Variants in SFMBT1 observed in about 807,000 individuals in gnomAD.
SFMBT1 encodes Scm like with four mbt domains 1.
A neutral mutation model predicts 108.7 loss-of-function variants in SFMBT1; 32 were observed. The observed-to-expected ratio is 0.29, with a 90% confidence interval of 0.22 to 0.40. SFMBT1 has a LOEUF of 0.40. SFMBT1 is among the 10% of genes least tolerant of loss of function. The probability of loss-of-function intolerance (pLI) is 1.00; values close to 1 mark genes in which losing one functional copy is unlikely to be tolerated. For missense variants in SFMBT1, 816 were observed against 1,059.6 expected, an observed-to-expected ratio of 0.77 and a Z score of 3.19; for synonymous variants, 348 against 369.5, an observed-to-expected ratio of 0.94 and a Z score of 0.67.
chr3:52,959,926 T>C (rs1174318354), intron 2 of SFMBT1, among the ~76,000 whole-genome samples: 1 of 152,008 alleles, frequency 6.6e-6, no homozygotes, highest in East Asian at 1.9e-4. Flanking sequence ...AGACTCTCAA[T>C]AAACTGCTGA....
chr3:52,948,024 C>A (rs1047828463), intron 3 of SFMBT1, among the ~76,000 whole-genome samples: 7 of 152,194 alleles, frequency 4.6e-5, no homozygotes, highest in African/African-American at 1.4e-4. Flanking sequence ...CGTGAGACAC[C>A]GCACCCAGCT....
At chr3:52,924,081 C>T (rs867664616) in intron 10 of SFMBT1, among the ~76,000 whole-genome samples, 1 of 152,054 alleles carries the variant, frequency 6.6e-6, no homozygotes, top group African/African-American at 2.4e-5. Context: ...CAATGTTTTC[C>T]GAATTCTCAA....
intron 1 of SFMBT1, among the ~76,000 whole-genome samples, chr3:53,002,395 T>C (rs1261585615): frequency 6.2e-5 from 6 of 97,208 alleles, no homozygotes; most frequent in African/African-American, 1.5e-4. Flanking sequence ...CGAGACTCCG[T>C]CTCAATAAAA....
Position 52,928,211 on chromosome 3 carries a change from A to G in SFMBT1, c.1028T>C (p.Leu343Pro), listed in dbSNP as rs1203052493. 6.2e-7 allele frequency: 1 copy of G among 1,613,228 alleles called. No homozygotes were observed. Among genetic ancestry groups the G allele is most frequent in the East Asian group, 2.2e-5 (1 of 44,784 alleles). The change falls in exon 9 of 21, where the codon CTA (leucine) becomes CCA (proline). Residue 343 changes from leucine to proline, a missense_variant. Physicochemically the swap from Leu to Pro is moderately conservative, Grantham distance 98. Around this residue, in one of 5 missense-constraint regions of SFMBT1, gnomAD observed 495 missense variants for 607.4 expected, o/e 0.81. Transcript: ENST00000394752. Reference protein sequence around the residue: ...FPVQWSLKNGLHISPPPGYPS... With the variant: ...FPVQWSLKNGPHISPPPGYPS... The stretch of plus-strand genomic sequence containing the variant: ...TGCACCTGGAGGGGGGCTGATGTGT[A>G]GGCCATTCTTCAGACTCCACTGCAC...
intron 1 of SFMBT1, among the ~76,000 whole-genome samples, chr3:53,029,348 C>T (rs1699606064): frequency 6.6e-6 from 1 of 152,030 alleles, no homozygotes; most frequent in African/African-American, 2.4e-5. Flanking sequence ...TTCTGAAGTT[C>T]TTTTAATGAA....
chr3:52,944,998 T>C (rs1484474366), intron 3 of SFMBT1, among the ~76,000 whole-genome samples: 3 of 151,466 alleles, frequency 2.0e-5, no homozygotes, highest in Admixed American at 6.6e-5. Flanking sequence ...GAGACGGGGT[T>C]TTGCCATGTT....
intron 1 of SFMBT1, among the ~76,000 whole-genome samples, chr3:53,027,715 T>A (rs1040006911): frequency 3.9e-5 from 6 of 152,298 alleles, no homozygotes; most frequent in Admixed American, 6.5e-5. Flanking sequence ...GATGGAAGAA[T>A]GAGAAAGGTC....
intron 3 of SFMBT1, among the ~76,000 whole-genome samples, chr3:52,944,269 A>C (rs1703284417): frequency 1.3e-5 from 2 of 152,228 alleles, no homozygotes; most frequent in African/African-American, 4.8e-5. Context: ...AAATAAGCAA[A>C]GGGAAGCCTG....
At chr3:53,008,068 G>T (rs549070402) in intron 1 of SFMBT1, among the ~76,000 whole-genome samples, 3 of 95,638 alleles carry the variant, frequency 3.1e-5, no homozygotes, top group African/African-American at 1.1e-4. Flanking sequence ...CCCCACCCCC[G>T]CAAAAAAAAA....
intron 19 of SFMBT1, among the ~76,000 whole-genome samples, chr3:52,906,631 G>C (rs1702071440): frequency 6.6e-6 from 1 of 152,120 alleles, no homozygotes; most frequent in Admixed American, 6.5e-5. Context: ...ACACTAAATT[G>C]TTCTTTAGTG....
chr3:53,018,610 C>T (rs189714906), intron 1 of SFMBT1, among the ~76,000 whole-genome samples: 11 of 152,262 alleles, frequency 7.2e-5, no homozygotes, highest in Admixed American at 2.6e-4. Context: ...CACAGCAAGC[C>T]GTCTCATCTC....
intron 3 of SFMBT1, among the ~76,000 whole-genome samples, 167 bp from the exon 4 acceptor site, chr3:52,943,760 C>G (rs1304151420): frequency 6.6e-6 from 1 of 152,170 alleles, no homozygotes; most frequent in Non-Finnish European, 1.5e-5. Context: ...CCAGATAAAA[C>G]AAACGAATAG....
chr3:52,973,048 T>A (rs571544290), intron 1 of SFMBT1, among the ~76,000 whole-genome samples: 3 of 151,958 alleles, frequency 2.0e-5, no homozygotes, highest in South Asian at 2.1e-4. Flanking sequence ...AAAGAGTTAT[T>A]CATTTAAATA....
chr3:52,981,668 T>G (rs1010684548), intron 1 of SFMBT1, among the ~76,000 whole-genome samples: 5 of 152,010 alleles, frequency 3.3e-5, no homozygotes, highest in East Asian at 1.9e-4. Flanking sequence ...AATGAGCCAC[T>G]GCACCCAACC....
intron 1 of SFMBT1, among the ~76,000 whole-genome samples, chr3:52,985,090 T>C (rs551858028): frequency 6.6e-6 from 1 of 152,334 alleles, no homozygotes; most frequent in Non-Finnish European, 1.5e-5. Context: ...ATCAATTAAA[T>C]GCTTTATTTA....
chr3:53,044,320 A>T (rs535434666), intron 1 of SFMBT1, among the ~76,000 whole-genome samples: 1 of 152,314 alleles, frequency 6.6e-6, no homozygotes, highest in Admixed American at 6.5e-5. Context: ...TGTTTATCTT[A>T]ATGTTGCAAA....
intron 7 of SFMBT1, 34 bp from the exon 8 acceptor site, chr3:52,930,464 T>C (rs749491253): frequency 7.7e-6 from 9 of 1,176,280 alleles, no homozygotes; most frequent in Non-Finnish European, 1.2e-5. Context: ...GATGAAAACA[T>C]AGTATCTGTA....
At chr3:52,958,719 A>T (rs570387078) in intron 2 of SFMBT1, among the ~76,000 whole-genome samples, 28 of 152,344 alleles carry the variant, frequency 1.8e-4, no homozygotes, top group African/African-American at 6.7e-4. Context: ...ACAGTGTGCC[A>T]ATTCCTCAAA....
At chr3:53,011,033 C>A (rs190984369) in intron 1 of SFMBT1, among the ~76,000 whole-genome samples, 1 of 152,048 alleles carries the variant, frequency 6.6e-6, no homozygotes, top group Non-Finnish European at 1.5e-5. Context: ...ATGGGGTGGC[C>A]CAATAGGAAG....
Sources: gnomAD v4.1 joint callset for allele counts (sites outside exome capture counted in the v4.1 genomes callset) on GRCh38, gnomAD v4.1.1 for gene constraint, gnomAD v4.1.1 regional missense constraint, MANE v1.5 for transcripts, NCBI Gene and HGNC (gene_info 2026-07-23, HGNC 2026-07-21) for gene names.